The following DLG2 variants were observed in gnomAD, a reference collection of about 807,000 sequenced individuals.
DLG2 encodes disks large homolog 2.
A neutral mutation model predicts 132.5 loss-of-function variants in DLG2; 45 were observed. The observed-to-expected ratio is 0.34, with a 90% confidence interval of 0.27 to 0.44. The LOEUF (loss-of-function observed/expected upper bound fraction) is 0.44. DLG2 is among the 20% of genes least tolerant of loss of function. The pLI, the probability that DLG2 is intolerant of heterozygous loss-of-function variation, is 1.00. For missense variants in DLG2, 1,045 were observed against 1,196.9 expected, an observed-to-expected ratio of 0.87 and a Z score of 1.87; for synonymous variants, 424 against 419.6, an observed-to-expected ratio of 1.01 and a Z score of -0.13.
chr11:84,468,604 C>T (rs147995154), intron 7 of DLG2, among the ~76,000 whole-genome samples: 1 of 151,544 alleles, frequency 6.6e-6, no homozygotes, highest in South Asian at 2.1e-4. Context: ...TGCCTTTTAA[C>T]ACTTTCAATT....
chr11:85,382,479 C>T (rs2085973078), intron 3 of DLG2, among the ~76,000 whole-genome samples: 1 of 151,904 alleles, frequency 6.6e-6, no homozygotes, highest in Non-Finnish European at 1.5e-5. Context: ...TTAGACACAT[C>T]AAAAGCATAA....
At chr11:83,902,723 C>T (rs7111645) in intron 15 of DLG2, among the ~76,000 whole-genome samples, 14,682 of 152,082 alleles carry the variant, frequency 0.097, 841 homozygotes, top group Middle Eastern at 0.2. Flanking sequence ...CAAGGGAACC[C>T]TTCCTAATCC....
intron 7 of DLG2, among the ~76,000 whole-genome samples, chr11:84,251,641 C>CT (rs148681429): frequency 4.8e-4 from 67 of 140,160 alleles, no homozygotes; most frequent in African/African-American, 1.1e-3. Context: ...TCTTTTCTTT[C>CT]TTTTTTTTTT....
At chr11:84,788,100 CAAAAAAAAAAA>C (rs139086655) in intron 6 of DLG2, among the ~76,000 whole-genome samples, 4 of 45,670 alleles carry the variant, frequency 8.8e-5, no homozygotes, top group South Asian at 1.3e-3. Flanking sequence ...GAATATGTCT[CAAAAAAAAAAA>C]AAAAAAAAAA....
chr11:85,599,721 T>C (rs1454406913), intron 2 of DLG2, among the ~76,000 whole-genome samples: 1 of 152,228 alleles, frequency 6.6e-6, no homozygotes, highest in Non-Finnish European at 1.5e-5. Flanking sequence ...TAAAGCCATC[T>C]CTGATGGTTA....
At chr11:85,388,089 G>A (rs2086496760) in intron 3 of DLG2, among the ~76,000 whole-genome samples, 1 of 152,162 alleles carries the variant, frequency 6.6e-6, no homozygotes, top group Admixed American at 6.5e-5. Flanking sequence ...AAATAAATTT[G>A]GTGCTGTTGG....
At chr11:84,801,990 T>C (rs1478293945) in intron 6 of DLG2, among the ~76,000 whole-genome samples, 1 of 152,120 alleles carries the variant, frequency 6.6e-6, no homozygotes, top group African/African-American at 2.4e-5. Context: ...AGTTTAAAAA[T>C]TACTTTTTAA....
chr11:84,929,877 T>G (rs1415056935), intron 6 of DLG2, among the ~76,000 whole-genome samples: 3 of 152,058 alleles, frequency 2.0e-5, no homozygotes, highest in Non-Finnish European at 4.4e-5. Flanking sequence ...AAATGTAGAT[T>G]TAGGAATACA....
intron 3 of DLG2, among the ~76,000 whole-genome samples, chr11:85,555,533 C>T (rs765303614): frequency 1.1e-4 from 16 of 151,906 alleles, no homozygotes; most frequent in Non-Finnish European, 2.1e-4. Context: ...TTCTAAGCAT[C>T]TCTTGTTTTT....
rs111643344 is a variant in DLG2 at position 84,759,667 on chromosome 11, G to A, written c.358-224936C>T. 8.6e-3 allele frequency among the ~76,000 whole-genome samples: 1,316 copies of A among 152,196 alleles called. 8 individuals carry two copies. The highest frequency in any genetic ancestry group is 0.013 in the Non-Finnish European group (906 of 68,004). On this transcript the variant is annotated intron_variant, in intron 6 of 27. Transcript: ENST00000376104. ...AGTTTGTTTACACAAAGCAAAAGTG[G>A]CCCTAATAAAAACACCATCCCTTTT...
chr11:83,740,321 CT>C (rs961598668), intron 18 of DLG2, among the ~76,000 whole-genome samples: 1 of 152,124 alleles, frequency 6.6e-6, no homozygotes, highest in African/African-American at 2.4e-5. Context: ...CTATACAACA[CT>C]AAAAATGAAT....
chr11:84,668,795 A>T (rs567371915), intron 6 of DLG2, among the ~76,000 whole-genome samples: 1 of 152,270 alleles, frequency 6.6e-6, no homozygotes, highest in Non-Finnish European at 1.5e-5. Context: ...AAAATTTGAA[A>T]ATATTTTTAC....
At chr11:83,956,822 C>A (rs1423070600) in intron 14 of DLG2, among the ~76,000 whole-genome samples, 1 of 152,146 alleles carries the variant, frequency 6.6e-6, no homozygotes, top group Non-Finnish European at 1.5e-5. Flanking sequence ...TAATGGGTAC[C>A]ATAAACCTTG....
intron 11 of DLG2, among the ~76,000 whole-genome samples, chr11:84,051,518 G>A (rs1429730447): frequency 6.0e-5 from 9 of 150,370 alleles, no homozygotes; most frequent in East Asian, 4.0e-4. Context: ...GCAAACTATC[G>A]CAAGGACAAA....
At chr11:84,242,496 C>G (rs889715309) in intron 8 of DLG2, among the ~76,000 whole-genome samples, 2 of 151,850 alleles carry the variant, frequency 1.3e-5, no homozygotes, top group African/African-American at 4.8e-5. Context: ...ACTGCTGCCT[C>G]CCAGGTTCAA....
At chr11:84,736,337 T>C (rs1354940651) in intron 6 of DLG2, among the ~76,000 whole-genome samples, 2 of 151,856 alleles carry the variant, frequency 1.3e-5, no homozygotes, top group Non-Finnish European at 2.9e-5. Context: ...ACTTTTTTTT[T>C]CAGAGCTGTT....
chr11:84,979,066 T>A (rs1409210147), intron 6 of DLG2, among the ~76,000 whole-genome samples: 1 of 152,152 alleles, frequency 6.6e-6, no homozygotes, highest in Non-Finnish European at 1.5e-5. Context: ...AAAATGCTCA[T>A]CATCACTGGG....
At chr11:84,847,362 A>G (rs150956021) in intron 6 of DLG2, among the ~76,000 whole-genome samples, 118 of 152,258 alleles carry the variant, frequency 7.7e-4, no homozygotes, top group African/African-American at 2.7e-3. Flanking sequence ...AGTAGAAAAT[A>G]TAGCCAATGA....
intron 8 of DLG2, among the ~76,000 whole-genome samples, chr11:84,249,677 G>T (rs548825848): frequency 1.1e-3 from 167 of 152,332 alleles, no homozygotes; most frequent in South Asian, 1.7e-3. Context: ...AAGAAAGGTA[G>T]GAAGAGTAAG....
Sources: allele counts gnomAD v4.1 joint callset (sites outside exome capture counted in the v4.1 genomes callset), GRCh38; gene constraint gnomAD v4.1.1; transcripts MANE v1.5; gene names NCBI Gene and HGNC (gene_info 2026-07-23, HGNC 2026-07-21).